The following EPB41L3 variants were observed in gnomAD, a reference collection of about 807,000 sequenced individuals.
EPB41L3 encodes the protein band 4.1-like protein 3.
EPB41L3 carries 57 observed loss-of-function variants against 127.1 expected under a neutral mutation model. The ratio of observed to expected loss-of-function variants is 0.45; its 90% CI spans 0.36 to 0.56. The LOEUF is 0.56. Among genes scored for constraint, EPB41L3 ranks in the 20% least tolerant of loss-of-function variants. The pLI is 0.00. For synonymous variants in EPB41L3, 572 were observed against 549.5 expected, an observed-to-expected ratio of 1.04 and a Z score of -0.57; for missense variants, 1,273 against 1,372.2, an observed-to-expected ratio of 0.93 and a Z score of 1.14.
chr18:5,556,146 T>C (rs2094032056), intron 3 of EPB41L3, among the ~76,000 whole-genome samples: 1 of 152,240 alleles, frequency 6.6e-6, no homozygotes, highest in Non-Finnish European at 1.5e-5. Flanking sequence ...TAAATGTTGA[T>C]GGACTGTCAT....
rs2091479879 is a variant in EPB41L3, at chr18:5,499,055, T to G, written c.-11-9861A>C. ...AGCCATGTGTGATGGTGTGATTACT[T>G]TTTAGTTAAACAGGGATGACGCCTG... is the stretch of plus-strand genomic sequence containing the variant. On this transcript the variant is annotated intron_variant, in intron 1 of 22. Coordinates refer to ENST00000341928, the MANE Select transcript of EPB41L3 (RefSeq NM_012307.5). Among the ~76,000 whole-genome samples, 4 of 152,308 alleles carry G rather than the reference T, an allele frequency of 2.6e-5. 1 individual carries two copies. In the South Asian group the frequency reaches 8.3e-4, roughly 32 times the overall value.
chr18:5,438,495 C>T (rs3862166), intron 5 of EPB41L3, among the ~76,000 whole-genome samples: 105,498 of 152,096 alleles, frequency 0.69, 36,711 homozygotes, highest in East Asian at 0.83. Flanking sequence ...AGATCAACAC[C>T]ACAATCATAA....
At chr18:5,453,902 C>T (rs1413837600) in intron 3 of EPB41L3, among the ~76,000 whole-genome samples, 2 of 152,086 alleles carry the variant, frequency 1.3e-5, no homozygotes, top group Non-Finnish European at 2.9e-5. Context: ...CATCTTTTTC[C>T]CCCCATGCTT....
At chr18:5,464,560 G>A (rs1179454041) in intron 3 of EPB41L3, among the ~76,000 whole-genome samples, 1 of 152,130 alleles carries the variant, frequency 6.6e-6, no homozygotes, top group African/African-American at 2.4e-5. Context: ...AGTGAGCTGG[G>A]TCGCTTTCCA....
intron 1 of EPB41L3, among the ~76,000 whole-genome samples, chr18:5,618,747 G>A (rs375281075): frequency 6.6e-5 from 10 of 152,116 alleles, no homozygotes; most frequent in South Asian, 2.1e-4. Flanking sequence ...AACCCCATAC[G>A]GACAAATTCA....
intron 3 of EPB41L3, among the ~76,000 whole-genome samples, chr18:5,593,782 C>T (rs578249396): frequency 9.9e-5 from 15 of 152,136 alleles, no homozygotes; most frequent in African/African-American, 1.9e-4. Flanking sequence ...CCTTCAGGGG[C>T]GCATTCTCTT....
intron 12 of EPB41L3, among the ~76,000 whole-genome samples, chr18:5,418,448 C>A (rs889100230): frequency 3.0e-4 from 46 of 152,174 alleles, no homozygotes; most frequent in African/African-American, 1.1e-3. Context: ...GTTGGCATGG[C>A]GAGTTTATAA....
intron 3 of EPB41L3, among the ~76,000 whole-genome samples, chr18:5,559,014 T>C (rs189454862): frequency 6.5e-4 from 99 of 152,308 alleles, no homozygotes; most frequent in African/African-American, 2.1e-3. Context: ...TGATTGGTGC[T>C]AAAGTGAAGT....
chr18:5,401,615 TG>T (rs1269360751), intron 16 of EPB41L3, among the ~76,000 whole-genome samples: 6 of 152,126 alleles, frequency 3.9e-5, no homozygotes, highest in Non-Finnish European at 8.8e-5. Flanking sequence ...AAATACTCAA[TG>T]GCTTTATTTG....
intron 9 of EPB41L3, among the ~76,000 whole-genome samples, chr18:5,427,713 T>C (rs948116408): frequency 6.6e-6 from 1 of 152,116 alleles, no homozygotes; most frequent in Non-Finnish European, 1.5e-5. Flanking sequence ...TATCCATTAC[T>C]GCTTGAAATA....
intron 3 of EPB41L3, among the ~76,000 whole-genome samples, chr18:5,610,859 A>T (rs1389105418): frequency 6.6e-6 from 1 of 152,190 alleles, no homozygotes; most frequent in African/African-American, 2.4e-5. Flanking sequence ...AATTTCTAGG[A>T]TGCATTGTTT....
chr18:5,496,017 T>C (rs1338663138), intron 1 of EPB41L3, among the ~76,000 whole-genome samples: 1 of 152,238 alleles, frequency 6.6e-6, no homozygotes, highest in Non-Finnish European at 1.5e-5. Context: ...TGGGTCAGGC[T>C]GAAGGCTTCA....
At chr18:5,571,260 T>C (rs905076934) in intron 3 of EPB41L3, among the ~76,000 whole-genome samples, 1 of 152,230 alleles carries the variant, frequency 6.6e-6, no homozygotes, top group East Asian at 1.9e-4. Context: ...TATTTTCAAA[T>C]ACATTGGCCT....
intron 16 of EPB41L3, 130 bp downstream of exon 16, chr18:5,406,647 C>T: frequency 2.5e-6 from 2 of 792,158 alleles, no homozygotes; most frequent in Non-Finnish European, 3.9e-6. Context: ...CTGAGCATCT[C>T]AGCTCAGGTT....
chr18:5,480,750 C>A (rs1162937685), intron 2 of EPB41L3: 1 of 152,180 alleles, frequency 6.6e-6, no homozygotes, highest in East Asian at 1.9e-4. Context: ...CTGCCTTTTG[C>A]AGCCAGTCAT....
intron 11 of EPB41L3, chr18:5,420,237 G>T: frequency 3.1e-6 from 1 of 320,278 alleles, no homozygotes; most frequent in Non-Finnish European, 5.9e-6. Context: ...GCTGCCGCTG[G>T]GCATATTATC....
intron 22 of EPB41L3, 54 bp downstream of exon 22, chr18:5,394,623 C>T: frequency 1.5e-6 from 2 of 1,348,316 alleles, no homozygotes; most frequent in Non-Finnish European, 2.1e-6. Flanking sequence ...GAGGGAAGTG[C>T]CCCATGCCTC....
intron 3 of EPB41L3, among the ~76,000 whole-genome samples, chr18:5,460,942 G>A (rs1003477132): frequency 2.0e-5 from 3 of 152,062 alleles, no homozygotes; most frequent in South Asian, 2.1e-4. Flanking sequence ...GCTAGAACAC[G>A]GTGGGGTTTA....
chr18:5,420,907 T>C (rs2145073470), intron 11 of EPB41L3, among the ~76,000 whole-genome samples: 2 of 152,102 alleles, frequency 1.3e-5, no homozygotes, highest in South Asian at 2.1e-4. Flanking sequence ...AGCTAAACTA[T>C]GTCACTAAAA....
Sources: allele counts gnomAD v4.1 joint callset (sites outside exome capture counted in the v4.1 genomes callset), GRCh38; gene constraint gnomAD v4.1.1; transcripts MANE v1.5; gene names NCBI Gene and HGNC (gene_info 2026-07-23, HGNC 2026-07-21).